The following TENM4 variants were observed in gnomAD, a reference collection of about 807,000 sequenced individuals.
The protein encoded by TENM4 is teneurin transmembrane protein 4, also known as teneurin-4.
TENM4 carries 82 observed loss-of-function variants against 243.3 expected under a neutral mutation model. That is an observed-to-expected ratio of 0.34 (90% confidence interval 0.28 to 0.40). The LOEUF (loss-of-function observed/expected upper bound fraction) is 0.40. Ranked by LOEUF, TENM4 falls within the 10% of genes least tolerant of loss-of-function variation. TENM4 has a pLI of 1.00. For synonymous variants in TENM4, 1,412 were observed against 1,456.3 expected (o/e 0.97, Z 0.69); for missense variants, 3,138 against 3,673.3 (o/e 0.85, Z 3.77).
At chr11:78,781,779 G>A (rs965374771) in intron 16 of TENM4, among the ~76,000 whole-genome samples, 14 of 152,218 alleles carry the variant, frequency 9.2e-5, no homozygotes, top group African/African-American at 2.6e-4. Context: ...AACTTCTTTC[G>A]GATGGGTGAC....
At chr11:79,180,154 A>G (rs1403906089) in intron 3 of TENM4, among the ~76,000 whole-genome samples, 1 of 151,684 alleles carries the variant, frequency 6.6e-6, no homozygotes, top group Non-Finnish European at 1.5e-5. Context: ...TAAGCTTATT[A>G]ACAAGATTCT....
intron 17 of TENM4, among the ~76,000 whole-genome samples, chr11:78,776,892 T>A (rs1268138062): frequency 6.6e-6 from 1 of 152,042 alleles, no homozygotes; most frequent in Non-Finnish European, 1.5e-5. Flanking sequence ...CGGTGACTTA[T>A]GGTGACAGAA....
intron 6 of TENM4, among the ~76,000 whole-genome samples, chr11:78,993,302 C>CT (rs998308387): frequency 6.6e-6 from 1 of 152,062 alleles, no homozygotes; most frequent in Non-Finnish European, 1.5e-5. Flanking sequence ...GAATTTATGT[C>CT]TTTTTCTGGT....
chr11:78,824,016 T>C lies in TENM4; in HGVS notation c.1682-9621A>G, dbSNP rs542655482. ...GAACATGAAGGCACAGATACTTGCCTAAGTTGATGCCGCTAATAAGTGACA... is the reference window on the plus strand; with the variant it reads ...GAACATGAAGGCACAGATACTTGCCCAAGTTGATGCCGCTAATAAGTGACA... On this transcript the variant is annotated intron_variant, in intron 12 of 33. Transcript: ENST00000278550. Among the ~76,000 whole-genome samples the C allele has an allele frequency of 2.0e-5, 3 of 152,310 alleles. No homozygotes were observed. The East Asian group carries it at 5.8e-4, about 29-fold the overall frequency.
At chr11:79,430,683 T>C (rs1859148730) in intron 1 of TENM4, among the ~76,000 whole-genome samples, 1 of 152,186 alleles carries the variant, frequency 6.6e-6, no homozygotes, top group Admixed American at 6.5e-5. Flanking sequence ...CTTCCCTCTT[T>C]ATAGATGAGG....
chr11:78,701,258 G>T (rs1245396794), intron 28 of TENM4, among the ~76,000 whole-genome samples: 2 of 152,158 alleles, frequency 1.3e-5, no homozygotes, highest in East Asian at 3.9e-4. Context: ...CCATTCTACA[G>T]ATGTGGAAAC....
At chr11:79,409,136 G>C (rs1858643880) in intron 1 of TENM4, among the ~76,000 whole-genome samples, 1 of 150,794 alleles carries the variant, frequency 6.6e-6, no homozygotes, top group African/African-American at 2.4e-5. Context: ...GCACGCACAT[G>C]CGTGAGAGTT....
chr11:79,027,123 A>T (rs1443408521), intron 6 of TENM4, among the ~76,000 whole-genome samples: 1 of 152,234 alleles, frequency 6.6e-6, no homozygotes, highest in South Asian at 2.1e-4. Context: ...TAAACTTGGA[A>T]TTATCCAGAC....
chr11:79,228,734 A>C (rs1170302650), intron 2 of TENM4, among the ~76,000 whole-genome samples: 1 of 152,210 alleles, frequency 6.6e-6, no homozygotes, highest in Non-Finnish European at 1.5e-5. Context: ...TTTTTTAATA[A>C]AAATTTTAAA....
In TENM4 at chr11:79,327,674, C is replaced by G. The variant is rs59901908; in HGVS notation, c.-320-30131G>C. On this transcript the variant is annotated intron_variant, in intron 1 of 33. Transcript: ENST00000278550. ...CTTTTTTTTTTTTTTTTTTTTTAAC[C>G]TCCAAGTCCTGTACCCTTTGCCCCA... Among the ~76,000 whole-genome samples, 772 of 134,178 alleles carry G rather than the reference C, an allele frequency of 5.8e-3. 10 individuals are homozygous for G. The highest frequency in any genetic ancestry group is 0.022 in the African/African-American group (748 of 34,302). The allele number at this position is 134,178 out of a possible 152,430, so 88.0% of individuals were successfully genotyped here. A position where few individuals can be genotyped will look rare whatever the true frequency, so the allele number is the denominator to read the frequency against.
intron 4 of TENM4, among the ~76,000 whole-genome samples, chr11:79,090,780 A>T (rs1860926467): frequency 6.6e-6 from 1 of 152,150 alleles, no homozygotes; most frequent in Admixed American, 6.5e-5. Context: ...TCTGCCCATC[A>T]TCCTTTCCTA....
chr11:79,125,684 A>G (rs561450353), intron 4 of TENM4, among the ~76,000 whole-genome samples: 1 of 152,232 alleles, frequency 6.6e-6, no homozygotes, highest in African/African-American at 2.4e-5. Flanking sequence ...TCCCTGACCC[A>G]TGCTGCCCCA....
chr11:79,013,715 G>A (rs1858706002), intron 6 of TENM4, among the ~76,000 whole-genome samples: 1 of 152,202 alleles, frequency 6.6e-6, no homozygotes, highest in South Asian at 2.1e-4. Flanking sequence ...CTCCTTGCCT[G>A]CCATGAGTCA....
At chr11:78,928,337 A>AC (rs1046116702) in intron 6 of TENM4, among the ~76,000 whole-genome samples, 19 of 152,240 alleles carry the variant, frequency 1.2e-4, no homozygotes, top group African/African-American at 4.6e-4. Context: ...ATACACCGCC[A>AC]CCCCATGGTC....
At chr11:79,379,879 G>C (rs1857966433) in intron 1 of TENM4, among the ~76,000 whole-genome samples, 1 of 152,196 alleles carries the variant, frequency 6.6e-6, no homozygotes, top group Non-Finnish European at 1.5e-5. Flanking sequence ...GCTAATGGTG[G>C]TGCTGTTTAC....
chr11:79,284,965 C>A (rs978184332), intron 2 of TENM4, among the ~76,000 whole-genome samples: 1 of 152,072 alleles, frequency 6.6e-6, no homozygotes, highest in Non-Finnish European at 1.5e-5. Context: ...TGGCCAGGCA[C>A]GGTGGCTCAC....
At chr11:78,730,062 C>T (rs1442074213) in intron 21 of TENM4, among the ~76,000 whole-genome samples, 1 of 152,166 alleles carries the variant, frequency 6.6e-6, no homozygotes, top group East Asian at 1.9e-4. Flanking sequence ...GATCACATTG[C>T]CACTGGTTCT....
intron 2 of TENM4, among the ~76,000 whole-genome samples, chr11:79,216,626 C>T (rs1864055905): frequency 6.6e-6 from 1 of 152,152 alleles, no homozygotes; most frequent in Non-Finnish European, 1.5e-5. Context: ...AGTGAGTTAT[C>T]TCAATCATGG....
rs114394649 is a variant in TENM4 at position 79,267,556 on chromosome 11, C to T, written c.-265+29932G>A. Among the ~76,000 whole-genome samples the T allele has an allele frequency of 6.1e-3, 929 of 152,276 alleles. 16 individuals carry two copies. Among genetic ancestry groups the T allele is most frequent in the African/African-American group, 0.021 (889 of 41,544 alleles). ...AAATTTGAAATCTCCTATTTCCTTG[C>T]TTTGTGACCTAGACAAATTAAAACA... On this transcript the variant is annotated intron_variant, in intron 2 of 33. Coordinates refer to ENST00000278550, the MANE Select transcript of TENM4 (RefSeq NM_001098816.3).
Sources: gnomAD v4.1 joint callset for allele counts (sites outside exome capture counted in the v4.1 genomes callset) on GRCh38, gnomAD v4.1.1 for gene constraint, MANE v1.5 for transcripts, NCBI Gene and HGNC (gene_info 2026-07-23, HGNC 2026-07-21) for gene names.